ELP6: variants seen among roughly 807,000 people sequenced by gnomAD.
ELP6 encodes the protein elongator complex protein 6.
A neutral mutation model predicts 28.1 loss-of-function variants in ELP6; 23 were observed. The ratio of observed to expected loss-of-function variants is 0.82; its 90% confidence interval spans 0.59 to 1.16. The LOEUF (loss-of-function observed/expected upper bound fraction) is 1.16, where lower values mean the gene tolerates loss of function less well. Among genes scored for constraint, ELP6 ranks in the 50% most tolerant of loss-of-function variants. The probability of loss-of-function intolerance (pLI) is 0.00; values close to 1 mark genes in which losing one functional copy is unlikely to be tolerated. For missense variants in ELP6, 313 were observed against 334.6 expected, an observed-to-expected ratio of 0.94 and a Z score of 0.50; for synonymous variants, 132 against 135.8, an observed-to-expected ratio of 0.97 and a Z score of 0.19.
At chr3:47,502,737 G>A (rs868435937) in intron 4 of ELP6, among the ~76,000 whole-genome samples, 3 of 152,084 alleles carry the variant, frequency 2.0e-5, no homozygotes, top group Admixed American at 6.6e-5. Flanking sequence ...CTACTTGGGA[G>A]GCTGAGAAGA....
chr3:47,511,098 T>G, intron 2 of ELP6, 50 bp downstream of exon 2: 1 of 1,522,540 alleles, frequency 6.6e-7, no homozygotes. Flanking sequence ...TTTTTATTAT[T>G]TCTGCACCCA....
chr3:47,503,247 G>C (rs1451301205), intron 4 of ELP6: 3 of 1,247,488 alleles, frequency 2.4e-6, no homozygotes, highest in African/African-American at 3.1e-5. Context: ...CACTGCATAA[G>C]GGTGTGTGTG....
At chr3:47,503,624 C>T (rs1420762587) in intron 4 of ELP6, among the ~76,000 whole-genome samples, 3 of 151,954 alleles carry the variant, frequency 2.0e-5, no homozygotes, top group African/African-American at 4.8e-5. Flanking sequence ...GAATTTTGGC[C>T]GGGCGCGGTG....
intron 1 of ELP6, 195 bp from the exon 2 acceptor site, chr3:47,511,421 AC>A: frequency 7.2e-7 from 1 of 1,392,758 alleles, no homozygotes; most frequent in Non-Finnish European, 9.3e-7. Flanking sequence ...TAAAGTTATC[AC>A]TTATTGTTAC....
chr3:47,497,232 C>G, intron 6 of ELP6: 1 of 985,406 alleles, frequency 1.0e-6, no homozygotes, highest in Non-Finnish European at 1.2e-6. Flanking sequence ...GCTTCCCTCC[C>G]AGGGCAGGAC....
Position 47,496,212 on chromosome 3 carries a change from A to G in ELP6, c.673-15T>C, listed in dbSNP as rs1319546056. The G allele has an allele frequency of 6.2e-7, 1 of 1,611,824 alleles. No homozygotes were observed. The highest frequency in any genetic ancestry group is 1.7e-5 in the Admixed American group (1 of 59,228). On this transcript the variant is annotated splice_polypyrimidine_tract_variant and intron_variant, in intron 6 of 6. Coordinates refer to ENST00000296149, the MANE Select transcript of ELP6 (RefSeq NM_001031703.3). The stretch of plus-strand genomic sequence containing the variant: ...AGGATCCTCAGCTACAGAGACAGAG[A>G]AGAATGAAAGAGGAGCAGCCACCCC...
chr3:47,496,999 C>T (rs975039811), intron 6 of ELP6: 3 of 985,278 alleles, frequency 3.0e-6, no homozygotes, highest in African/African-American at 3.5e-5. Flanking sequence ...GGCCCTGCTG[C>T]AGCACTACAC....
intron 5 of ELP6, among the ~76,000 whole-genome samples, chr3:47,499,192 C>T (rs1708565539): frequency 6.6e-6 from 1 of 152,132 alleles, no homozygotes; most frequent in South Asian, 2.1e-4. Flanking sequence ...GCCCAGGCAA[C>T]ATAGTGAGAC....
intron 6 of ELP6, chr3:47,496,910 A>G (rs1045887900): frequency 4.1e-6 from 4 of 985,304 alleles, no homozygotes; most frequent in African/African-American, 1.7e-5. Flanking sequence ...ACCTGTTTTG[A>G]TGGTGTTACT....
intron 3 of ELP6, among the ~76,000 whole-genome samples, chr3:47,505,004 C>G (rs1034361722): frequency 6.6e-6 from 1 of 152,074 alleles, no homozygotes. Flanking sequence ...TGGTGGCTCA[C>G]GCCTATAATC....
chr3:47,500,562 A>C (rs1225154883), intron 5 of ELP6, among the ~76,000 whole-genome samples: 1 of 152,046 alleles, frequency 6.6e-6, no homozygotes, highest in Non-Finnish European at 1.5e-5. Flanking sequence ...TTTTCAACTA[A>C]AAGAAGTATT....
chr3:47,505,431 C>A (rs1307004308), intron 3 of ELP6, among the ~76,000 whole-genome samples: 1 of 151,800 alleles, frequency 6.6e-6, no homozygotes. Flanking sequence ...TTGAGACAGT[C>A]TCTCACTCTA....
chr3:47,505,513 T>C (rs1418773392), intron 3 of ELP6, among the ~76,000 whole-genome samples: 4 of 152,158 alleles, frequency 2.6e-5, no homozygotes, highest in Non-Finnish European at 5.9e-5. Flanking sequence ...CAAGCGATTC[T>C]TGTGCCTCAA....
rs1708544000 is a variant in ELP6 at position 47,498,427 on chromosome 3, G to C, written c.531C>G (p.Asn177Lys). ...RATVCWELKG[N>K]MVVLVHDSGD... ...CACTGTCGTGCACAAGGACCACCAT[G>C]TTTCCCTGCATCAGATACAAGATGG... The change falls in exon 6 of 7, where the codon AAC (asparagine) becomes AAG (lysine). Residue 177 changes from asparagine to lysine, a missense_variant. Physicochemically the swap from Asn to Lys is moderately conservative, Grantham distance 94. Coordinates refer to ENST00000296149, the MANE Select transcript of ELP6 (RefSeq NM_001031703.3). 1 of 1,612,304 alleles carries C rather than the reference G, an allele frequency of 6.2e-7. No individual in the cohort carries two copies. The highest frequency in any genetic ancestry group is 1.3e-5 in the African/African-American group (1 of 75,018).
At chr3:47,504,612 A>C (rs1576344880) in intron 3 of ELP6, 164 bp from the exon 4 acceptor site, 2 of 985,430 alleles carry the variant, frequency 2.0e-6, no homozygotes, top group Non-Finnish European at 2.4e-6. Flanking sequence ...TCCCAAACCC[A>C]TAATGCCCCA....
At chr3:47,497,446 C>T in intron 6 of ELP6, 2 of 567,322 alleles carry the variant, frequency 3.5e-6, no homozygotes, top group Non-Finnish European at 4.5e-6. Context: ...AAGCGATTCT[C>T]CTGCCTCAGC....
At chr3:47,510,154 G>A (rs1472822726) in intron 3 of ELP6, 30 bp downstream of exon 3, 1 of 1,554,790 alleles carries the variant, frequency 6.4e-7, no homozygotes, top group African/African-American at 1.4e-5. Flanking sequence ...CTCACTCAGG[G>A]ACCTCATCAT....
intron 1 of ELP6, 148 bp downstream of exon 1, chr3:47,513,389 C>T (rs2029954956): frequency 7.0e-7 from 1 of 1,433,728 alleles, no homozygotes; most frequent in East Asian, 2.7e-5. Flanking sequence ...AGTCCAATCC[C>T]CGGGTCGATC....
chr3:47,501,881 T>C (rs779874609), intron 4 of ELP6, 30 bp from the exon 5 acceptor site: 1 of 1,593,812 alleles, frequency 6.3e-7, no homozygotes, highest in South Asian at 1.1e-5. Flanking sequence ...GTTACCAGAC[T>C]TCACTCTCTC....
Sources: allele counts gnomAD v4.1 joint callset (sites outside exome capture counted in the v4.1 genomes callset), GRCh38; gene constraint gnomAD v4.1.1; transcripts MANE v1.5; gene names NCBI Gene and HGNC (gene_info 2026-07-23, HGNC 2026-07-21).